Variants in UGT1A4 observed in about 807,000 individuals in gnomAD.
The protein encoded by UGT1A4 is UDP-glucuronosyltransferase 1A4.
Under a neutral mutation model 41.1 loss-of-function variants are expected in UGT1A4, and 32 were observed. The ratio of observed to expected loss-of-function variants is 0.78; its 90% confidence interval spans 0.59 to 1.05. The LOEUF (loss-of-function observed/expected upper bound fraction) is 1.05. UGT1A4 is among the 50% of genes least tolerant of loss of function. The pLI is 0.00. For missense variants in UGT1A4, 748 were observed against 677.4 expected (o/e 1.10, Z -1.16); for synonymous variants, 283 against 265.1 (o/e 1.07, Z -0.66).
At chr2:233,747,468 C>A in intron 1 of UGT1A4, 1 of 1,608,682 alleles carries the variant, frequency 6.2e-7, no homozygotes, top group Non-Finnish European at 8.5e-7. Flanking sequence ...TTCATGGACC[C>A]AGGATGAATT....
rs1427279208 is a variant in UGT1A4 at position 233,769,059 on chromosome 2, C to T, written c.1307+620C>T. Among the ~76,000 whole-genome samples, 3 of 152,006 alleles carry T rather than the reference C, an allele frequency of 2.0e-5. No individual in the cohort carries two copies. Among genetic ancestry groups the T allele is most frequent in the African/African-American group, 4.8e-5 (2 of 41,348 alleles). ...ACATCTGATCCATAAGTTTCCTGCA[C>T]AGAAAGAAATACTCCATTATAAGAA... is the stretch of plus-strand genomic sequence containing the variant. On this transcript the variant is annotated intron_variant, in intron 4 of 4. Transcript: ENST00000373409. The surrounding 1 kb of genome is among the most constrained non-coding windows in gnomAD (Gnocchi z 4.4).
intron 1 of UGT1A4, among the ~76,000 whole-genome samples, chr2:233,738,487 G>C (rs2125816251): frequency 6.6e-6 from 1 of 152,316 alleles, no homozygotes; most frequent in African/African-American, 2.4e-5. Flanking sequence ...GAGACTTGTT[G>C]AACGGTTTTG....
chr2:233,739,772 T>C (rs1691199757), intron 1 of UGT1A4, among the ~76,000 whole-genome samples: 1 of 152,174 alleles, frequency 6.6e-6, no homozygotes, highest in South Asian at 2.1e-4. Context: ...AGTGCTGAAA[T>C]GAGTTAAGAC....
In UGT1A4 at chr2:233,719,291, T is replaced by C. The variant is rs2011404; in HGVS notation, c.471T>C (p.Cys157=). 0.85 allele frequency: 1,366,998 copies of C among 1,613,952 alleles called. 580,228 individuals carry two copies. The highest frequency in any genetic ancestry group is 0.99 in the East Asian group (44,464 of 44,874). The part of the protein sequence containing the change: ...DVVLTDPVNL[C]GAVLAKYLSI... ...TTTTAACAGACCCCGTTAACCTCTGTGGGGCGGTGCTGGCTAAGTACCTGT... is the reference window on the plus strand; with the variant it reads ...TTTTAACAGACCCCGTTAACCTCTGCGGGGCGGTGCTGGCTAAGTACCTGT... Residue 157 remains cysteine, a synonymous_variant, in exon 1 of 5, where the codon TGT becomes TGC. Transcript: ENST00000373409.
intron 1 of UGT1A4, chr2:233,729,807 T>C: frequency 6.2e-7 from 1 of 1,613,974 alleles, no homozygotes; most frequent in Non-Finnish European, 8.5e-7. Context: ...GCCATGCTTT[T>C]TCTGCTCCTT....
intron 1 of UGT1A4, among the ~76,000 whole-genome samples, chr2:233,759,016 T>G (rs1226235816): frequency 6.6e-6 from 1 of 152,208 alleles, no homozygotes; most frequent in Non-Finnish European, 1.5e-5. Context: ...TTAATTGAAT[T>G]TGCTTATCTA....
chr2:233,744,129 A>C (rs1002862654), intron 1 of UGT1A4: 5 of 357,290 alleles, frequency 1.4e-5, no homozygotes, highest in African/African-American at 1.1e-4. Flanking sequence ...AGGCTCTGTG[A>C]GGCCCTGTGA....
chr2:233,751,076 G>A (rs1694634911), intron 1 of UGT1A4, among the ~76,000 whole-genome samples: 1 of 151,954 alleles, frequency 6.6e-6, no homozygotes, highest in Non-Finnish European at 1.5e-5. Context: ...GCCAGCCTCT[G>A]AAGGCAGCCA....
chr2:233,727,329 TC>T (rs2077605729), intron 1 of UGT1A4, among the ~76,000 whole-genome samples: 1 of 152,014 alleles, frequency 6.6e-6, no homozygotes, highest in Non-Finnish European at 1.5e-5. Context: ...CACCAGGAGC[TC>T]CTCCCTCCCC....
chr2:233,749,921 T>C (rs1694306476), intron 1 of UGT1A4, among the ~76,000 whole-genome samples: 1 of 151,948 alleles, frequency 6.6e-6, no homozygotes. Flanking sequence ...TGTGAGTCAA[T>C]TAAAGCTCTT....
intron 1 of UGT1A4, among the ~76,000 whole-genome samples, chr2:233,758,520 T>A (rs1404036248): frequency 1.3e-5 from 2 of 152,094 alleles, no homozygotes; most frequent in African/African-American, 4.8e-5. Context: ...CAACAAAGAG[T>A]GAAAGCATTG....
Position 233,768,558 on chromosome 2 carries a change from T to C in UGT1A4, c.1307+119T>C. On this transcript the variant is annotated intron_variant, in intron 4 of 4. Transcript: ENST00000373409. ...TGTTTCAAATATAAAAACAAATACA[T>C]AAAAATCTGGATTTTTATTTCTTCT... 3.4e-6 allele frequency: 4 copies of C among 1,184,218 alleles called. No individual in the cohort carries two copies. In the South Asian group the frequency reaches 4.4e-5, roughly 13 times the overall value. The allele number at this position is 1,184,218 out of a possible 1,614,324, so 73.4% of individuals were successfully genotyped here.
At position 233,747,675 on chromosome 2, in the gene UGT1A4, T is replaced by A. The variant is rs1693747728; in HGVS notation, c.868-19359T>A. On this transcript the variant is annotated intron_variant, in intron 1 of 4. Transcript: ENST00000373409. ...CGATGTGGTTTTAATAGACCCAATTTACCTCTGTGGGGCAGTGCTGGCTAA... is the reference window on the plus strand; with the variant it reads ...CGATGTGGTTTTAATAGACCCAATTAACCTCTGTGGGGCAGTGCTGGCTAA... The A allele has an allele frequency of 8.1e-6, 13 of 1,605,742 alleles. No homozygotes were observed. The South Asian group carries it at 1.4e-4, about 18-fold the overall frequency.
intron 1 of UGT1A4, chr2:233,761,175 A>G (rs1340390077): frequency 1.2e-6 from 2 of 1,614,094 alleles, no homozygotes; most frequent in African/African-American, 2.7e-5. Flanking sequence ...TGGGACTTTT[A>G]CATGCGTATA....
intron 1 of UGT1A4, chr2:233,742,665 A>C (rs1692062657): frequency 6.6e-6 from 1 of 152,140 alleles, no homozygotes; most frequent in Non-Finnish European, 1.5e-5. Flanking sequence ...ATGTAACCCC[A>C]AGGTTTGTCC....
rs2077836996 is a variant in UGT1A4 at position 233,729,318 on chromosome 2, G to C, written c.867+9631G>C. The stretch of plus-strand genomic sequence containing the variant: ...ACCAGGCAGTGGTCCTCACCCCAGA[G>C]GTGAATATGCACATCAAAGAAGAGA... On this transcript the variant is annotated intron_variant, in intron 1 of 4. Transcript: ENST00000373409. 5 of 1,614,128 alleles carry C rather than the reference G, an allele frequency of 3.1e-6. No homozygotes were observed. In the Middle Eastern group the frequency reaches 6.6e-4, roughly 212 times the overall value.
At chr2:233,724,358 C>A (rs2077236787) in intron 1 of UGT1A4, among the ~76,000 whole-genome samples, 6 of 147,934 alleles carry the variant, frequency 4.1e-5, no homozygotes, top group Non-Finnish European at 3.0e-5. Flanking sequence ...CACCTCCCTC[C>A]CGGACGGGGT....
intron 1 of UGT1A4, among the ~76,000 whole-genome samples, chr2:233,745,523 G>C (rs530279744): frequency 6.6e-6 from 1 of 151,554 alleles, no homozygotes; most frequent in Non-Finnish European, 1.5e-5. Context: ...GGTCTAATGG[G>C]GATGTGTTAT....
chr2:233,730,580 A>G (rs954835717), intron 1 of UGT1A4, among the ~76,000 whole-genome samples: 1 of 152,190 alleles, frequency 6.6e-6, no homozygotes, highest in Admixed American at 6.5e-5. Flanking sequence ...TTCAGTTTCC[A>G]GACAGGGATC....
Sources: gnomAD v4.1 joint callset for allele counts (sites outside exome capture counted in the v4.1 genomes callset) on GRCh38, gnomAD v4.1.1 for gene constraint, Gnocchi (gnomAD v3.1) non-coding constraint, MANE v1.5 for transcripts, NCBI Gene and HGNC (gene_info 2026-07-23, HGNC 2026-07-21) for gene names.